The following MEOX1 variants were observed in gnomAD, a reference collection of about 807,000 sequenced individuals.
The protein encoded by MEOX1 is homeobox protein MOX-1.
MEOX1 carries 17 observed loss-of-function variants against 23.2 expected under a neutral mutation model. The observed-to-expected ratio is 0.73, with a 90% CI of 0.50 to 1.10. MEOX1 has a LOEUF of 1.10. Ranked by LOEUF, MEOX1 falls within the 50% of genes least tolerant of loss-of-function variation. The pLI is 0.00. For synonymous variants in MEOX1, 134 were observed against 135.1 expected, an observed-to-expected ratio of 0.99 and a Z score of 0.06; for missense variants, 333 against 332.2, an observed-to-expected ratio of 1.00 and a Z score of -0.02.
chr17:43,654,496 A>G (rs1055836483), intron 1 of MEOX1, among the ~76,000 whole-genome samples: 12 of 151,464 alleles, frequency 7.9e-5, no homozygotes, highest in Non-Finnish European at 1.5e-4. Context: ...CAACAGCAAG[A>G]CTCTTGTCTC....
intron 1 of MEOX1, among the ~76,000 whole-genome samples, chr17:43,653,424 G>A (rs2154588933): frequency 6.6e-6 from 1 of 151,976 alleles, no homozygotes; most frequent in South Asian, 2.1e-4. Context: ...ACAGGCGTGA[G>A]CCACCGCATC....
intron 1 of MEOX1, among the ~76,000 whole-genome samples, chr17:43,654,912 C>T (rs1377555834): frequency 1.3e-5 from 2 of 151,364 alleles, no homozygotes; most frequent in East Asian, 2.0e-4. Context: ...ATTAGCCAGA[C>T]GTGGTGGTGG....
intron 1 of MEOX1, among the ~76,000 whole-genome samples, chr17:43,660,148 G>T (rs1234076237): frequency 1.3e-5 from 2 of 152,222 alleles, no homozygotes; most frequent in Non-Finnish European, 2.9e-5. Context: ...ACGAGGCCGG[G>T]ACAAGGAACC....
chr17:43,657,373 G>A (rs1310790591), intron 1 of MEOX1, among the ~76,000 whole-genome samples: 2 of 144,628 alleles, frequency 1.4e-5, no homozygotes, highest in African/African-American at 2.6e-5. Context: ...TTTTAGTAGA[G>A]ATAGGGTTTC....
intron 1 of MEOX1, among the ~76,000 whole-genome samples, chr17:43,646,995 A>C (rs1287190702): frequency 6.6e-6 from 1 of 152,238 alleles, no homozygotes; most frequent in African/African-American, 2.4e-5. Context: ...CTCAAAAAAA[A>C]GAAAAATCTA....
intron 1 of MEOX1, among the ~76,000 whole-genome samples, chr17:43,658,912 A>T (rs1169563892): frequency 2.0e-5 from 3 of 152,166 alleles, no homozygotes; most frequent in Admixed American, 6.5e-5. Flanking sequence ...GGTGCTCCTG[A>T]GGGGACCCTT....
chr17:43,648,245 G>C (rs1039056651), intron 1 of MEOX1, among the ~76,000 whole-genome samples: 17 of 151,992 alleles, frequency 1.1e-4, no homozygotes, highest in African/African-American at 3.9e-4. Flanking sequence ...CGAGGCGGGC[G>C]GATCATAAGG....
At chr17:43,653,639 A>T (rs2154588941) in intron 1 of MEOX1, among the ~76,000 whole-genome samples, 1 of 151,590 alleles carries the variant, frequency 6.6e-6, no homozygotes, top group South Asian at 2.1e-4. Flanking sequence ...CCTCCTGAGT[A>T]GCTGGGACTG....
In MEOX1 at chr17:43,661,406, G is replaced by A. The variant is rs1282340178; in HGVS notation, c.129C>T (p.Phe43=). 1.8e-6 allele frequency: 2 copies of A among 1,091,060 alleles called. No homozygotes were observed. Among genetic ancestry groups the A allele is most frequent in the African/African-American group, 1.6e-5 (1 of 62,582 alleles). 67.6% of individuals were successfully genotyped at this position (1,091,060 alleles called of 1,614,324 possible). Residue 43 remains phenylalanine (F), a synonymous_variant, in exon 1 of 3, where the codon TTC becomes TTT. Transcript: ENST00000318579. The stretch of plus-strand genomic sequence containing the variant: ...GGAAGTCTGGTTTCTGGTGGAAGGA[G>A]AACGGGGTGGGCGGGTAGTGGGGTA... ...SGLPHYPPTP[F]SFHQKPDFLA... is the part of the protein sequence containing the mutation.
chr17:43,655,660 TAAAAAAAAAAA>T (rs57762377), intron 1 of MEOX1, among the ~76,000 whole-genome samples: 18 of 75,618 alleles, frequency 2.4e-4, no homozygotes, highest in East Asian at 4.2e-4. Context: ...CCTGTCTTTC[TAAAAAAAAAAA>T]AAAAAAAAAA....
chr17:43,655,845 T>C (rs568479431), intron 1 of MEOX1, among the ~76,000 whole-genome samples: 1 of 152,082 alleles, frequency 6.6e-6, no homozygotes, highest in South Asian at 2.1e-4. Flanking sequence ...TGGTGATTGC[T>C]AGGGGGTGGG....
At position 43,644,118 on chromosome 17, in the gene MEOX1, A is replaced by G. The variant is rs564853563; in HGVS notation, c.470-458T>C. On this transcript the variant is annotated intron_variant, in intron 1 of 2. Coordinates refer to ENST00000318579, the MANE Select transcript of MEOX1 (RefSeq NM_004527.4). ...ATCCTAGCCTCATTCCAGACCTACT[A>G]AGTCAGAAACTCTGGGGATGGCACT... Among the ~76,000 whole-genome samples the G allele has an allele frequency of 1.2e-3, 188 of 152,224 alleles. 1 individual carries two copies. Among genetic ancestry groups the G allele is most frequent in the Non-Finnish European group, 2.0e-3 (136 of 68,014 alleles).
intron 1 of MEOX1, among the ~76,000 whole-genome samples, chr17:43,653,422 G>C (rs1405458516): frequency 1.3e-5 from 2 of 151,968 alleles, no homozygotes; most frequent in Non-Finnish European, 2.9e-5. Flanking sequence ...TTACAGGCGT[G>C]AGCCACCGCA....
chr17:43,656,293 T>C (rs2154588986), intron 1 of MEOX1, among the ~76,000 whole-genome samples: 1 of 152,084 alleles, frequency 6.6e-6, no homozygotes, highest in East Asian at 1.9e-4. Flanking sequence ...GGGAGAGTGC[T>C]CTAGGCAAGG....
rs117380643 is a variant in MEOX1 at position 43,651,583 on chromosome 17, G to A, written c.470-7923C>T. On this transcript the variant is annotated intron_variant, in intron 1 of 2. Coordinates refer to ENST00000318579, the MANE Select transcript of MEOX1 (RefSeq NM_004527.4). ...AAAAGAAAAGAAAAGGAAGGGGGTG[G>A]GTCCTGGCCAGAGGCCAGGGAGCCA... is the stretch of plus-strand genomic sequence containing the variant. Among the ~76,000 whole-genome samples, 1,032 of 152,318 alleles carry A rather than the reference G, an allele frequency of 6.8e-3. 6 individuals carry two copies. Among genetic ancestry groups the A allele is most frequent in the Non-Finnish European group, 0.011 (736 of 68,008 alleles).
At chr17:43,643,148 A>T (rs1406332413) in intron 2 of MEOX1, among the ~76,000 whole-genome samples, 4 of 76,586 alleles carry the variant, frequency 5.2e-5, no homozygotes, top group African/African-American at 4.1e-4. Flanking sequence ...GCCTCTACTA[A>T]AAAAAAAAAC....
intron 1 of MEOX1, among the ~76,000 whole-genome samples, chr17:43,645,433 T>G (rs144161062): frequency 0.011 from 1,724 of 152,280 alleles, 33 homozygotes; most frequent in African/African-American, 0.039. Flanking sequence ...CGCCTTGGCC[T>G]CCCAAAGTGC....
chr17:43,647,123 G>C (rs910445614), intron 1 of MEOX1, among the ~76,000 whole-genome samples: 1 of 152,194 alleles, frequency 6.6e-6, no homozygotes. Flanking sequence ...GGCATCTGCG[G>C]CTTTAACCTC....
chr17:43,659,313 T>C (rs920403729), intron 1 of MEOX1, among the ~76,000 whole-genome samples: 1 of 152,176 alleles, frequency 6.6e-6, no homozygotes, highest in Non-Finnish European at 1.5e-5. Flanking sequence ...CCTTAGCACA[T>C]TTCCTACCAG....
Sources: allele counts gnomAD v4.1 joint callset (sites outside exome capture counted in the v4.1 genomes callset), GRCh38; gene constraint gnomAD v4.1.1; transcripts MANE v1.5; gene names NCBI Gene and HGNC (gene_info 2026-07-23, HGNC 2026-07-21).